Variants in PARD3B observed in about 807,000 individuals in gnomAD.
PARD3B encodes the protein par-3 family cell polarity regulator beta.
A neutral mutation model predicts 130.2 loss-of-function variants in PARD3B; 103 were observed. The observed-to-expected ratio is 0.79, with a 90% CI of 0.67 to 0.93. The LOEUF is 0.93. Among genes scored for constraint, PARD3B ranks in the 40% least tolerant of loss-of-function variants. The pLI is 0.00. For missense variants in PARD3B, 1,609 were observed against 1,499.2 expected, an observed-to-expected ratio of 1.07 and a Z score of -1.21; for synonymous variants, 583 against 553.2, an observed-to-expected ratio of 1.05 and a Z score of -0.76.
At chr2:205,358,300 T>C (rs1388759755) in intron 18 of PARD3B, among the ~76,000 whole-genome samples, 1 of 152,234 alleles carries the variant, frequency 6.6e-6, no homozygotes, top group Non-Finnish European at 1.5e-5. Context: ...CCCACAGAAG[T>C]TCTGCAGTCA....
At position 205,525,247 on chromosome 2, in the gene PARD3B, A is replaced by AACTTCCAAATTGGTTTCC. The variant is rs2051284377; in HGVS notation, c.3180+25217_3180+25234dup. 6.6e-6 allele frequency among the ~76,000 whole-genome samples: 1 copy of AACTTCCAAATTGGTTTCC among 152,162 alleles called. No individual in the cohort carries two copies. The highest frequency in any genetic ancestry group is 1.5e-5 in the Non-Finnish European group (1 of 68,026). Reference sequence around the variant, plus strand: ...TGAAAACAAGAGACATGGTATGTAAAACTTCCAAATTGGTTTCCTTACCAC... The same window carrying AACTTCCAAATTGGTTTCC: ...TGAAAACAAGAGACATGGTATGTAAAACTTCCAAATTGGTTTCCACTTCCAAATTGGTTTCCTTACCAC... On this transcript the variant is annotated intron_variant, in intron 21 of 22. Coordinates refer to ENST00000406610, the MANE Select transcript of PARD3B (RefSeq NM_001302769.2). This position sits in a 1 kb window ranked among gnomAD's most constrained non-coding sequence, Gnocchi z 4.2.
intron 15 of PARD3B, among the ~76,000 whole-genome samples, chr2:205,234,938 A>G (rs115355994): frequency 0.014 from 2,204 of 152,326 alleles, 54 homozygotes; most frequent in African/African-American, 0.05. Context: ...TCTTAATAAC[A>G]CATGGATCAA....
intron 2 of PARD3B, among the ~76,000 whole-genome samples, chr2:204,749,485 G>C (rs1003819418): frequency 2.6e-5 from 4 of 152,142 alleles, no homozygotes; most frequent in Non-Finnish European, 5.9e-5. Flanking sequence ...AGATGACTAA[G>C]AGTTGTGGTT....
chr2:205,303,844 C>T (rs2042096918), intron 18 of PARD3B, among the ~76,000 whole-genome samples: 1 of 152,160 alleles, frequency 6.6e-6, no homozygotes, highest in Admixed American at 6.5e-5. Flanking sequence ...TTGTAGCCCC[C>T]TCACTTATTT....
At chr2:205,462,499 T>C (rs1432342537) in intron 20 of PARD3B, among the ~76,000 whole-genome samples, 1 of 152,214 alleles carries the variant, frequency 6.6e-6, no homozygotes, top group East Asian at 1.9e-4. Context: ...ATACCACGTG[T>C]CTGAGGAATT....
intron 3 of PARD3B, among the ~76,000 whole-genome samples, chr2:205,018,991 C>T (rs1032854213): frequency 6.6e-6 from 1 of 152,032 alleles, no homozygotes; most frequent in African/African-American, 2.4e-5. Flanking sequence ...ATGTATAATT[C>T]ATAACATATT....
intron 2 of PARD3B, among the ~76,000 whole-genome samples, chr2:204,865,431 A>G (rs2045369484): frequency 6.6e-6 from 1 of 152,242 alleles, no homozygotes; most frequent in Admixed American, 6.5e-5. Context: ...TGGCATATAT[A>G]TACCATGGAA....
At chr2:204,915,918 G>C (rs2047424005) in intron 2 of PARD3B, among the ~76,000 whole-genome samples, 1 of 152,156 alleles carries the variant, frequency 6.6e-6, no homozygotes, top group Non-Finnish European at 1.5e-5. Context: ...ACGGTTTGTG[G>C]CTGTGAATTT....
intron 3 of PARD3B, among the ~76,000 whole-genome samples, chr2:204,988,478 TAAC>T (rs1693370633): frequency 6.6e-6 from 1 of 152,136 alleles, no homozygotes; most frequent in Non-Finnish European, 1.5e-5. Context: ...CATTTCAAAA[TAAC>T]TAAAAGATTG....
At chr2:205,335,279 A>G (rs1474743199) in intron 18 of PARD3B, among the ~76,000 whole-genome samples, 1 of 152,214 alleles carries the variant, frequency 6.6e-6, no homozygotes, top group African/African-American at 2.4e-5. Context: ...GGGAAGTCTC[A>G]GGAACAGACA....
At position 205,564,097 on chromosome 2, in the gene PARD3B, G is replaced by C. The variant is rs1269278437; in HGVS notation, c.3260+10694G>C. Among the ~76,000 whole-genome samples, 1 of 152,190 alleles carries C rather than the reference G, an allele frequency of 6.6e-6. No individual in the cohort carries two copies. Among genetic ancestry groups the C allele is most frequent in the East Asian group, 1.9e-4 (1 of 5,200 alleles). On this transcript the variant is annotated intron_variant, in intron 22 of 22. Transcript: ENST00000406610. This position sits in a 1 kb window ranked among gnomAD's most constrained non-coding sequence, Gnocchi z 4.6. ...AACTGAGACTGGGAGATGCAAACAG[G>C]TGTGGCTAAGATTGCACACAGAACT... is the stretch of plus-strand genomic sequence containing the variant.
rs191730638 is a variant in PARD3B at position 204,669,695 on chromosome 2, A to G, written c.121-16486A>G. 4.3e-4 allele frequency among the ~76,000 whole-genome samples: 66 copies of G among 152,288 alleles called. No homozygotes were observed. The highest frequency in any genetic ancestry group is 6.8e-3 in the Middle Eastern group (2 of 294). On this transcript the variant is annotated intron_variant, in intron 1 of 22. Transcript: ENST00000406610. This position sits in a 1 kb window ranked among gnomAD's most constrained non-coding sequence, Gnocchi z 4.3. ...ATCAAATTATAGAGAAAGTATGGTTATCATTACAGAAAAGAATGTAAATAT... is the reference window on the plus strand; with the variant it reads ...ATCAAATTATAGAGAAAGTATGGTTGTCATTACAGAAAAGAATGTAAATAT...
intron 21 of PARD3B, among the ~76,000 whole-genome samples, chr2:205,511,211 C>T (rs1297567017): frequency 6.6e-6 from 1 of 152,140 alleles, no homozygotes; most frequent in African/African-American, 2.4e-5. Context: ...TTTTATCAGT[C>T]CTCTTTCAAA....
chr2:204,911,187 G>A (rs1035337687), intron 2 of PARD3B, among the ~76,000 whole-genome samples: 2 of 152,196 alleles, frequency 1.3e-5, no homozygotes, highest in African/African-American at 4.8e-5. Flanking sequence ...TAACAAGCAA[G>A]TGCACAAACG....
At chr2:205,156,253 G>A (rs1330158476) in intron 10 of PARD3B, among the ~76,000 whole-genome samples, 1 of 115,150 alleles carries the variant, frequency 8.7e-6, no homozygotes, top group Admixed American at 8.9e-5. Context: ...CACACTCTGG[G>A]GACTGTTGTG....
chr2:205,611,368 G>A (rs2055223464), intron 22 of PARD3B, among the ~76,000 whole-genome samples: 2 of 152,174 alleles, frequency 1.3e-5, no homozygotes, highest in South Asian at 4.1e-4. Context: ...AAGGTAGTCA[G>A]CACCCAGAGC....
intron 7 of PARD3B, among the ~76,000 whole-genome samples, chr2:205,120,551 A>C (rs938714476): frequency 6.6e-6 from 1 of 152,166 alleles, no homozygotes; most frequent in South Asian, 2.1e-4. Flanking sequence ...CTGAAACAAG[A>C]TTAACATTAA....
At chr2:204,723,343 AT>A (rs966679128) in intron 2 of PARD3B, among the ~76,000 whole-genome samples, 2 of 152,144 alleles carry the variant, frequency 1.3e-5, no homozygotes, top group African/African-American at 4.8e-5. Flanking sequence ...TAATACATAT[AT>A]TTTGTATGTT....
intron 18 of PARD3B, among the ~76,000 whole-genome samples, chr2:205,327,621 C>G (rs954189972): frequency 6.6e-6 from 1 of 152,152 alleles, no homozygotes; most frequent in Non-Finnish European, 1.5e-5. Context: ...CGCCATACTC[C>G]TCCCTTTTTT....
Sources: gnomAD v4.1 joint callset for allele counts (sites outside exome capture counted in the v4.1 genomes callset) on GRCh38, gnomAD v4.1.1 for gene constraint, Gnocchi (gnomAD v3.1) non-coding constraint, MANE v1.5 for transcripts, NCBI Gene and HGNC (gene_info 2026-07-23, HGNC 2026-07-21) for gene names.